The following CREB3 variants were observed in gnomAD, a reference collection of about 807,000 sequenced individuals.
The protein encoded by CREB3 is cAMP responsive element binding protein 3.
A neutral mutation model predicts 34.5 loss-of-function variants in CREB3; 29 were observed. That is an observed-to-expected ratio of 0.84 (90% confidence interval 0.63 to 1.15). The LOEUF (loss-of-function observed/expected upper bound fraction) is 1.15, where lower values mean the gene tolerates loss of function less well. Among genes scored for constraint, CREB3 ranks in the 50% most tolerant of loss-of-function variants. The probability of loss-of-function intolerance (pLI) is 0.00; values close to 1 mark genes in which losing one functional copy is unlikely to be tolerated. For synonymous variants in CREB3, 187 were observed against 173.9 expected, an observed-to-expected ratio of 1.08 and a Z score of -0.59; for missense variants, 447 against 443.4, an observed-to-expected ratio of 1.01 and a Z score of -0.07.
At position 35,735,180 on chromosome 9, in the gene CREB3, G is replaced by A. The variant is rs778006388; in HGVS notation, c.507G>A (p.Arg169=). 106 of 1,603,070 alleles carry A rather than the reference G, an allele frequency of 6.6e-5. No homozygotes were observed. The highest frequency in any genetic ancestry group is 8.5e-5 in the Non-Finnish European group (100 of 1,177,470). Residue 169 remains arginine, a synonymous_variant, in exon 5 of 9, where the codon AGG becomes AGA. Coordinates refer to ENST00000353704, the MANE Select transcript of CREB3 (RefSeq NM_006368.5). The part of the protein sequence containing the change: ...RNKRSAQESR[R]KKKVYVGGLE... ...AAAGATCTGCTCAAGAGAGCCGCAG[G>A]AAAAAGAAGGTGTATGTTGGGGGTT...
chr9:35,735,087 C>A, intron 4 of CREB3, 22 bp from the exon 5 acceptor site: 1 of 1,580,744 alleles, frequency 6.3e-7, no homozygotes, highest in South Asian at 1.2e-5. Flanking sequence ...CTAATGATAT[C>A]CCTTTCCCTG....
At position 35,735,213 on chromosome 9, in the gene CREB3, C is replaced by T. The variant is rs1197486613; in HGVS notation, c.540C>T (p.Ser180=). 4 of 1,611,468 alleles carry T rather than the reference C, an allele frequency of 2.5e-6. No individual in the cohort carries two copies. The highest frequency in any genetic ancestry group is 2.7e-5 in the African/African-American group (2 of 74,600). ...KKKVYVGGLE[S]RVLKYTAQNM... ...AGGTGTATGTTGGGGGTTTAGAGAG[C>T]AGGTATGAAAGGGAGAGGGACTCTG... The change falls in exon 5 of 9, where the codon AGC becomes AGT. Residue 180 remains serine, a splice_region_variant and synonymous_variant. Coordinates refer to ENST00000353704, the MANE Select transcript of CREB3 (RefSeq NM_006368.5).
chr9:35,736,172 G>A, intron 7 of CREB3, 40 bp downstream of exon 7: 1 of 1,611,884 alleles, frequency 6.2e-7, no homozygotes, highest in Non-Finnish European at 8.5e-7. Context: ...TTTCTCAGTT[G>A]GTGGGGACAG....
Position 35,733,049 on chromosome 9 carries a change from A to C in CREB3, c.183A>C (p.Pro61=), listed in dbSNP as rs201018312. 35 of 1,614,230 alleles carry C rather than the reference A, an allele frequency of 2.2e-5. No individual in the cohort carries two copies. In the African/African-American group the frequency reaches 4.7e-4, roughly 22 times the overall value. Reference sequence around the variant, plus strand: ...TGCTGTGCTCCCTGCTGAGTCCCCCAGCGTCGTTGAACATTCTCAGCTCCT... The same window carrying C: ...TGCTGTGCTCCCTGCTGAGTCCCCCCGCGTCGTTGAACATTCTCAGCTCCT... ...DDLLCSLLSP[P]ASLNILSSSN... Residue 61 remains proline, a synonymous_variant, in exon 2 of 9, where the codon CCA becomes CCC. Coordinates refer to ENST00000353704, the MANE Select transcript of CREB3 (RefSeq NM_006368.5).
At chr9:35,734,430 G>A (rs1241853731) in intron 4 of CREB3, among the ~76,000 whole-genome samples, 1 of 152,034 alleles carries the variant, frequency 6.6e-6, no homozygotes, top group Non-Finnish European at 1.5e-5. Flanking sequence ...ATCCTGAGAA[G>A]ATGAGTTAAA....
Position 35,733,056 on chromosome 9 carries a change from T to C in CREB3, c.190T>C (p.Leu64=). ...LCSLLSPPAS[L]NILSSSNPCL... is the part of the protein sequence containing the mutation. ...CTCCCTGCTGAGTCCCCCAGCGTCGTTGAACATTCTCAGCTCCTCCAACCC... is the reference window on the plus strand; with the variant it reads ...CTCCCTGCTGAGTCCCCCAGCGTCGCTGAACATTCTCAGCTCCTCCAACCC... The change falls in exon 2 of 9, where the codon TTG becomes CTG. Residue 64 remains leucine (L), a synonymous_variant. Transcript: ENST00000353704. 6.2e-7 allele frequency: 1 copy of C among 1,614,246 alleles called. No individual in the cohort carries two copies. The highest frequency in any genetic ancestry group is 8.5e-7 in the Non-Finnish European group (1 of 1,180,050).
intron 4 of CREB3, 41 bp from the exon 5 acceptor site, chr9:35,735,068 A>G (rs1444149594): frequency 6.5e-7 from 1 of 1,533,210 alleles, no homozygotes; most frequent in Non-Finnish European, 8.8e-7. Flanking sequence ...TCCTTTTTCT[A>G]GAGTTCCTCT....
Position 35,735,329 on chromosome 9 carries a change from A to G in CREB3, c.566A>G (p.Asn189Ser), listed in dbSNP as rs1404839701. The G allele has an allele frequency of 6.2e-7, 1 of 1,614,152 alleles. No individual in the cohort carries two copies. Among genetic ancestry groups the G allele is most frequent in the East Asian group, 2.2e-5 (1 of 44,884 alleles). Reference sequence around the variant, plus strand: ...AGGGTCTTGAAATACACAGCCCAGAATATGGAGCTTCAGAACAAAGTACAG... The same window carrying G: ...AGGGTCTTGAAATACACAGCCCAGAGTATGGAGCTTCAGAACAAAGTACAG... ...ESRVLKYTAQNMELQNKVQLL... is the reference protein window; with the variant it reads ...ESRVLKYTAQSMELQNKVQLL... Residue 189 changes from asparagine to serine, a missense_variant, in exon 6 of 9, where the codon AAT (asparagine) becomes AGT (serine). By Grantham distance (46) the Asn-to-Ser change is conservative. Transcript: ENST00000353704.
chr9:35,735,820 CAG>C (rs1319074356), intron 6 of CREB3, among the ~76,000 whole-genome samples: 2 of 152,114 alleles, frequency 1.3e-5, no homozygotes, highest in South Asian at 2.1e-4. Context: ...TAAGTCCTGG[CAG>C]AGTTTTTTTG....
chr9:35,733,267 G>A lies in CREB3; in HGVS notation c.330G>A (p.Glu110=). ...EGTQMTPQHM[E]ELAEQEIARL... is the part of the protein sequence containing the mutation. ...CCCAGATGACTCCACAGCATATGGA[G>A]GAGCTGGCAGAGCAGGTACTTGACT... The change falls in exon 3 of 9, where the codon GAG becomes GAA. Residue 110 remains glutamate, a synonymous_variant. Transcript: ENST00000353704. 6.2e-7 allele frequency: 1 copy of A among 1,614,234 alleles called. No individual in the cohort carries two copies. The highest frequency in any genetic ancestry group is 8.5e-7 in the Non-Finnish European group (1 of 1,180,046).
In CREB3 at chr9:35,733,296, T is replaced by A. The variant is rs376828495; in HGVS notation, c.345+14T>A. On this transcript the variant is annotated intron_variant, in intron 3 of 8. Coordinates refer to ENST00000353704, the MANE Select transcript of CREB3 (RefSeq NM_006368.5). ...CTGGCAGAGCAGGTACTTGACTTGA[T>A]TTTCAGGAGATTACTCTCACATTCC... 2.5e-6 allele frequency: 4 copies of A among 1,613,996 alleles called. No homozygotes were observed. The African/African-American group carries it at 5.3e-5, about 22-fold the overall frequency.
chr9:35,735,198 T>C lies in CREB3; in HGVS notation c.525T>C (p.Val175=), dbSNP rs146674074. 578 of 1,609,984 alleles carry C rather than the reference T, an allele frequency of 3.6e-4. 2 individuals are homozygous for C. In the African/African-American group the frequency reaches 6.8e-3, roughly 19 times the overall value. Residue 175 remains valine, a synonymous_variant, in exon 5 of 9, where the codon GTT becomes GTC. Transcript: ENST00000353704. The part of the protein sequence containing the change: ...QESRRKKKVY[V]GGLESRVLKY... ...GCCGCAGGAAAAAGAAGGTGTATGT[T>C]GGGGGTTTAGAGAGCAGGTATGAAA...
Position 35,733,504 on chromosome 9 carries a change from G to A in CREB3, c.435+19G>A. ...CACTAAGGTAAGACTCTCATTGGTT[G>A]AACAAAGGCTGAAAAGGGATTAAAA... On this transcript the variant is annotated intron_variant, in intron 4 of 8. Transcript: ENST00000353704. 1 of 1,577,296 alleles carries A rather than the reference G, an allele frequency of 6.3e-7. No individual in the cohort carries two copies. Among genetic ancestry groups the A allele is most frequent in the African/African-American group, 1.3e-5 (1 of 74,188 alleles).
rs1563950635 is a variant in CREB3 at position 35,733,078 on chromosome 9, A to ACC, written c.215_216dup (p.Cys73ProfsTer21). ...TCGTTGAACATTCTCAGCTCCTCCA[A>ACC]CCCCTGCCTTGTCCACCATGACCAC... On this transcript the variant is annotated frameshift_variant, in exon 2 of 9. Coordinates refer to ENST00000353704, the MANE Select transcript of CREB3 (RefSeq NM_006368.5). LOFTEE classifies it high-confidence loss of function. 5 of 1,614,008 alleles carry ACC rather than the reference A, an allele frequency of 3.1e-6. No individual in the cohort carries two copies. The highest frequency in any genetic ancestry group is 3.4e-6 in the Non-Finnish European group (4 of 1,179,996).
Position 35,736,319 on chromosome 9 carries a change from G to T in CREB3, c.781+8G>T. The T allele has an allele frequency of 6.2e-7, 1 of 1,613,948 alleles. No individual in the cohort carries two copies. Among genetic ancestry groups the T allele is most frequent in the South Asian group, 1.1e-5 (1 of 91,076 alleles). ...TGCCAGCTGAGCATGGAGGTAAGAG[G>T]CTTAAGGATAGCTCTCAGACAGGGC... is the stretch of plus-strand genomic sequence containing the variant. On this transcript the variant is annotated splice_region_variant and intron_variant, in intron 8 of 8. Coordinates refer to ENST00000353704, the MANE Select transcript of CREB3 (RefSeq NM_006368.5).
In CREB3 at chr9:35,736,486, C is replaced by G. The variant is rs1826214158; in HGVS notation, c.876C>G (p.His292Gln). 1.9e-6 allele frequency: 3 copies of G among 1,614,196 alleles called. No homozygotes were observed. The highest frequency in any genetic ancestry group is 2.5e-6 in the Non-Finnish European group (3 of 1,180,038). The change falls in exon 9 of 9, where the codon CAC (histidine) becomes CAG (glutamine). Residue 292 changes from histidine (H) to glutamine (Q), a missense_variant. Coordinates refer to ENST00000353704, the MANE Select transcript of CREB3 (RefSeq NM_006368.5). ...LQSEVPKDST[H>Q]QWLDGSDCVL... ...CAGAAGTGCCGAAAGACAGCACACA[C>G]CAGTGGTTGGACGGCTCAGACTGTG...
At chr9:35,734,442 A>T (rs1203540181) in intron 4 of CREB3, among the ~76,000 whole-genome samples, 1 of 152,024 alleles carries the variant, frequency 6.6e-6, no homozygotes, top group African/African-American at 2.4e-5. Context: ...TGAGTTAAAA[A>T]TTTTGTCTTT....
intron 3 of CREB3, 23 bp from the exon 4 acceptor site, chr9:35,733,370 TGCC>T: frequency 6.2e-7 from 1 of 1,610,162 alleles, no homozygotes; most frequent in Non-Finnish European, 8.5e-7. Flanking sequence ...CCCATGCAAC[TGCC>T]GTCCACTTTC....
intron 6 of CREB3, among the ~76,000 whole-genome samples, 187 bp from the exon 7 acceptor site, chr9:35,735,861 G>A (rs1333157449): frequency 2.0e-5 from 3 of 152,174 alleles, no homozygotes; most frequent in Admixed American, 6.5e-5. Flanking sequence ...TTTTGTTGTT[G>A]TTGTTGTTTT....
Sources: gnomAD v4.1 joint callset for allele counts (sites outside exome capture counted in the v4.1 genomes callset) on GRCh38, gnomAD v4.1.1 for gene constraint, MANE v1.5 for transcripts, NCBI Gene and HGNC (gene_info 2026-07-23, HGNC 2026-07-21) for gene names.